The following TNR variants were observed in gnomAD, a reference collection of about 807,000 sequenced individuals.
The protein encoded by TNR is tenascin-R.
TNR carries 45 observed loss-of-function variants against 150.4 expected under a neutral mutation model. The observed-to-expected ratio is 0.30, with a 90% CI of 0.24 to 0.38. The LOEUF is 0.38. TNR is among the 10% of genes least tolerant of loss of function. TNR has a pLI of 1.00. For missense variants in TNR, 1,544 were observed against 1,759.1 expected (o/e 0.88, Z 2.19); for synonymous variants, 687 against 678.4 (o/e 1.01, Z -0.20).
At chr1:175,571,178 G>A (rs1234386618) in intron 1 of TNR, among the ~76,000 whole-genome samples, 2 of 152,164 alleles carry the variant, frequency 1.3e-5, no homozygotes, top group Non-Finnish European at 2.9e-5. Context: ...GCCCAGTTGA[G>A]AAGCTATCAT....
intron 1 of TNR, among the ~76,000 whole-genome samples, chr1:175,585,701 G>A (rs572498261): frequency 3.3e-5 from 5 of 152,288 alleles, no homozygotes; most frequent in Non-Finnish European, 7.4e-5. Context: ...GTAAATGGTG[G>A]TTCTTGAGTA....
At chr1:175,562,311 C>T (rs1351267673) in intron 1 of TNR, among the ~76,000 whole-genome samples, 2 of 152,078 alleles carry the variant, frequency 1.3e-5, no homozygotes, top group South Asian at 4.1e-4. Flanking sequence ...CCACCCTCAC[C>T]ATCATTCAAT....
chr1:175,655,659 A>G (rs954664012), intron 1 of TNR, among the ~76,000 whole-genome samples: 4 of 152,238 alleles, frequency 2.6e-5, no homozygotes, highest in Non-Finnish European at 5.9e-5. Flanking sequence ...TATTATAATA[A>G]GTGTTATTAG....
At chr1:175,573,968 A>G (rs1022244489) in intron 1 of TNR, among the ~76,000 whole-genome samples, 1 of 152,190 alleles carries the variant, frequency 6.6e-6, no homozygotes, top group African/African-American at 2.4e-5. Context: ...CATTTCCTGC[A>G]TATGGGATGG....
At chr1:175,468,182 C>T (rs975859474) in intron 2 of TNR, among the ~76,000 whole-genome samples, 10 of 152,096 alleles carry the variant, frequency 6.6e-5, no homozygotes, top group Admixed American at 2.0e-4. Flanking sequence ...GCCACTGATG[C>T]GCTAGTGAAG....
intron 18 of TNR, among the ~76,000 whole-genome samples, chr1:175,350,151 T>C (rs1650988565): frequency 1.3e-5 from 2 of 152,154 alleles, no homozygotes; most frequent in African/African-American, 4.8e-5. Context: ...TGTGTTAGAG[T>C]AGACTCCAAA....
intron 1 of TNR, among the ~76,000 whole-genome samples, chr1:175,730,626 T>C (rs1269542031): frequency 6.6e-6 from 1 of 152,214 alleles, no homozygotes; most frequent in Admixed American, 6.5e-5. Context: ...AGGCTGGGAA[T>C]GTAAGTGTGA....
chr1:175,671,199 G>A (rs1665686701), intron 1 of TNR, among the ~76,000 whole-genome samples: 1 of 152,306 alleles, frequency 6.6e-6, no homozygotes, highest in Admixed American at 6.5e-5. Context: ...AAGACGATGG[G>A]CCAGCTTTGG....
intron 1 of TNR, among the ~76,000 whole-genome samples, chr1:175,649,725 G>A (rs962527465): frequency 2.0e-5 from 3 of 152,058 alleles, no homozygotes; most frequent in Non-Finnish European, 4.4e-5. Flanking sequence ...CCATCCCATG[G>A]CCTCCTTGCA....
At chr1:175,516,555 G>C (rs1196517817) in intron 2 of TNR, among the ~76,000 whole-genome samples, 1 of 152,128 alleles carries the variant, frequency 6.6e-6, no homozygotes, top group Non-Finnish European at 1.5e-5. Context: ...CAATCTAATT[G>C]CTTGAACCAT....
intron 2 of TNR, among the ~76,000 whole-genome samples, chr1:175,423,200 C>A (rs1654830523): frequency 6.6e-6 from 1 of 152,168 alleles, no homozygotes; most frequent in Non-Finnish European, 1.5e-5. Flanking sequence ...GTTAATACAT[C>A]AAATATAAAG....
Position 175,590,148 on chromosome 1 carries a change from T to G in TNR, c.-164-61779A>C, listed in dbSNP as rs77808607. Among the ~76,000 whole-genome samples the G allele has an allele frequency of 8.4e-3, 1,285 of 152,304 alleles. 22 individuals carry two copies. The highest frequency in any genetic ancestry group is 0.028 in the African/African-American group (1,164 of 41,558). ...ATTGTATTATACACTGAAAGATTGC[T>G]AAATGAGTAGATTTGAGATCCTCTT... is the stretch of plus-strand genomic sequence containing the variant. On this transcript the variant is annotated intron_variant, in intron 1 of 22. Transcript: ENST00000367674.
intron 1 of TNR, among the ~76,000 whole-genome samples, chr1:175,735,513 C>T (rs981278526): frequency 1.3e-5 from 2 of 152,232 alleles, no homozygotes; most frequent in African/African-American, 4.8e-5. Context: ...CAAACGCCAG[C>T]ACTCAGTGGC....
At chr1:175,428,929 A>T (rs547169295) in intron 2 of TNR, among the ~76,000 whole-genome samples, 6 of 126,612 alleles carry the variant, frequency 4.7e-5, no homozygotes, top group African/African-American at 2.0e-4. Flanking sequence ...CTCCCTTTAA[A>T]CTCATTTGGG....
At chr1:175,371,502 G>A (rs561841547) in intron 9 of TNR, among the ~76,000 whole-genome samples, 26 of 152,258 alleles carry the variant, frequency 1.7e-4, no homozygotes, top group African/African-American at 5.5e-4. Flanking sequence ...TGCTAAAAAA[G>A]TAAAATAATT....
chr1:175,527,348 C>T (rs1421557657), intron 2 of TNR, among the ~76,000 whole-genome samples: 2 of 152,116 alleles, frequency 1.3e-5, no homozygotes, highest in African/African-American at 4.8e-5. Flanking sequence ...CAGGCTGCCA[C>T]TGAGGGTGTT....
chr1:175,425,036 C>A (rs146727710), intron 2 of TNR, among the ~76,000 whole-genome samples: 3 of 152,062 alleles, frequency 2.0e-5, no homozygotes, highest in Non-Finnish European at 4.4e-5. Context: ...GTAATTCTCA[C>A]CCGAAACACT....
At chr1:175,480,229 G>T (rs1435681301) in intron 2 of TNR, among the ~76,000 whole-genome samples, 6 of 151,628 alleles carry the variant, frequency 4.0e-5, no homozygotes, top group African/African-American at 1.5e-4. Context: ...GCTGCATAAA[G>T]TTGAGAAGGC....
chr1:175,418,415 G>A (rs1240000237), intron 2 of TNR, among the ~76,000 whole-genome samples: 1 of 152,102 alleles, frequency 6.6e-6, no homozygotes, highest in Non-Finnish European at 1.5e-5. Context: ...GATTTTGAAA[G>A]GAGGAGGCAA....
Sources: allele counts gnomAD v4.1 joint callset (sites outside exome capture counted in the v4.1 genomes callset), GRCh38; gene constraint gnomAD v4.1.1; transcripts MANE v1.5; gene names NCBI Gene and HGNC (gene_info 2026-07-23, HGNC 2026-07-21).